CARMIL3: variants seen among roughly 807,000 people sequenced by gnomAD.
CARMIL3 encodes the protein capping protein regulator and myosin 1 linker 3.
In CARMIL3, 88 loss-of-function variants were observed where a neutral mutation model predicts 180.8. That is an observed-to-expected ratio of 0.49 (90% CI 0.41 to 0.58). The LOEUF (loss-of-function observed/expected upper bound fraction) is 0.58. CARMIL3 is among the 20% of genes least tolerant of loss of function. The pLI is 0.00. For synonymous variants in CARMIL3, 696 were observed against 714.5 expected (o/e 0.97, Z 0.41); for missense variants, 1,548 against 1,787.0 (o/e 0.87, Z 2.41).
intron 37 of CARMIL3, 36 bp from the exon 38 acceptor site, chr14:24,068,750 G>T (rs1873703097): frequency 1.2e-6 from 2 of 1,613,744 alleles, no homozygotes; most frequent in Admixed American, 3.3e-5. Flanking sequence ...TGAGGCAAAG[G>T]GACTAACTGA....
At chr14:24,052,617 T>G (rs909595002) in intron 1 of CARMIL3, among the ~76,000 whole-genome samples, 3 of 151,804 alleles carry the variant, frequency 2.0e-5, no homozygotes, top group African/African-American at 7.3e-5. Context: ...ACACCCTCCC[T>G]CCTCCCGGCC....
chr14:24,057,996 C>T lies in CARMIL3; in HGVS notation c.1254C>T (p.Phe418=). 2 of 1,613,776 alleles carry T rather than the reference C, an allele frequency of 1.2e-6. No individual in the cohort carries two copies. The highest frequency in any genetic ancestry group is 1.7e-6 in the Non-Finnish European group (2 of 1,180,018). The change falls in exon 16 of 40, where the codon TTC becomes TTT. Residue 418 remains phenylalanine, a synonymous_variant. Coordinates refer to ENST00000342740, the MANE Select transcript of CARMIL3 (RefSeq NM_138360.4). ...AGGCCCCGCCGGCCTTCAAGCAGTT[C>T]TTCAGCAGCGCCTACACACTGAGCC... ...GREAPPAFKQ[F]FSSAYTLSHV...
At position 24,055,764 on chromosome 14, in the gene CARMIL3, G is replaced by C; in HGVS notation, c.745G>C (p.Val249Leu). 6.2e-7 allele frequency: 1 copy of C among 1,614,100 alleles called. No homozygotes were observed. The highest frequency in any genetic ancestry group is 8.5e-7 in the Non-Finnish European group (1 of 1,179,998). ...CAAGTCGGGGAGCCTCGAAGAGCTG[G>C]TGCTGGACAACGCCGGGCTTAAGAC... Reference protein sequence around the residue: ...LSKSGSLEELVLDNAGLKTDF... With the variant: ...LSKSGSLEELLLDNAGLKTDF... The change falls in exon 10 of 40, where the codon GTG (valine) becomes CTG (leucine). Residue 249 changes from valine to leucine, a missense_variant. Around this residue, in one of 4 missense-constraint regions of CARMIL3, gnomAD observed 578 missense variants for 666.5 expected, o/e 0.87. Transcript: ENST00000342740.
At position 24,054,757 on chromosome 14, in the gene CARMIL3, G is replaced by C; in HGVS notation, c.409G>C (p.Asp137His). Residue 137 changes from aspartate to histidine, a missense_variant, in exon 6 of 40, where the codon GAT becomes CAT. Around this residue, in one of 4 missense-constraint regions of CARMIL3, gnomAD observed 578 missense variants for 666.5 expected, o/e 0.87. Coordinates refer to ENST00000342740, the MANE Select transcript of CARMIL3 (RefSeq NM_138360.4). This position sits in a 1 kb window ranked among gnomAD's most constrained non-coding sequence, Gnocchi z 5.1. ...CGCAGACACCCCAGAGGGGCCCCGA[G>C]ATACATCCCCCAACTCTGAGACTTC... ...GNADTPEGPR[D>H]TSPNSETSTS... The C allele has an allele frequency of 1.2e-6, 2 of 1,614,136 alleles. No homozygotes were observed. Among genetic ancestry groups the C allele is most frequent in the Non-Finnish European group, 1.7e-6 (2 of 1,180,018 alleles).
At chr14:24,055,486 C>T in intron 8 of CARMIL3, 57 bp from the exon 9 acceptor site, 2 of 1,596,392 alleles carry the variant, frequency 1.3e-6, no homozygotes, top group Non-Finnish European at 8.6e-7. Flanking sequence ...TTGGTCTCTT[C>T]TTTTCTGACC....
At position 24,055,179 on chromosome 14, in the gene CARMIL3, A is replaced by G. The variant is rs143284374; in HGVS notation, c.531+43A>G. The G allele has an allele frequency of 3.7e-6, 6 of 1,613,890 alleles. No homozygotes were observed. In the East Asian group the frequency reaches 1.3e-4, roughly 36 times the overall value. On this transcript the variant is annotated intron_variant, in intron 7 of 39. Coordinates refer to ENST00000342740, the MANE Select transcript of CARMIL3 (RefSeq NM_138360.4). ...CCCATAGGGAACAGGTGGGACCTGG[A>G]GGGAAGGGGCTAAGAAGGAAGTGGG...
chr14:24,057,145 C>T, intron 13 of CARMIL3, 22 bp from the exon 14 acceptor site: 1 of 1,612,146 alleles, frequency 6.2e-7, no homozygotes, highest in Non-Finnish European at 8.5e-7. Context: ...TCCCCTGCAA[C>T]CCCTCTTCCT....
At chr14:24,053,296 C>T (rs2035637582) in intron 1 of CARMIL3, among the ~76,000 whole-genome samples, 2 of 152,122 alleles carry the variant, frequency 1.3e-5, no homozygotes, top group Non-Finnish European at 2.9e-5. Flanking sequence ...CACTCACACC[C>T]GGACCACCTA....
intron 24 of CARMIL3, 99 bp from the exon 25 acceptor site, chr14:24,060,529 C>A: frequency 6.6e-7 from 1 of 1,518,254 alleles, no homozygotes; most frequent in Non-Finnish European, 8.9e-7. Context: ...ATCACCTCCA[C>A]CACTGTCGGT....
In CARMIL3 at chr14:24,061,870, T is replaced by A. The variant is rs1451743623; in HGVS notation, c.2480+198T>A. 3.1e-6 allele frequency: 2 copies of A among 637,010 alleles called. No homozygotes were observed. Among genetic ancestry groups the A allele is most frequent in the African/African-American group, 1.8e-5 (1 of 54,358 alleles). The allele number at this position is 637,010 out of a possible 1,614,324, so 39.5% of individuals were successfully genotyped here. A position where few individuals can be genotyped will look rare whatever the true frequency, so the allele number is the denominator to read the frequency against. On this transcript the variant is annotated intron_variant, in intron 27 of 39. Transcript: ENST00000342740. This position sits in a 1 kb window ranked among gnomAD's most constrained non-coding sequence, Gnocchi z 4.1. The stretch of plus-strand genomic sequence containing the variant: ...AGAAATCTAAGTGCTGAGCTGGGGT[T>A]TAGGAGCCAAGTTTGTGCCCACACA...
chr14:24,055,714 T>C lies in CARMIL3; in HGVS notation c.695T>C (p.Leu232Pro). 6.2e-7 allele frequency: 1 copy of C among 1,614,058 alleles called. No homozygotes were observed. The highest frequency in any genetic ancestry group is 8.5e-7 in the Non-Finnish European group (1 of 1,179,986). Residue 232 changes from leucine (L) to proline (P), a missense_variant, in exon 10 of 40, where the codon CTA (leucine) becomes CCA (proline). By Grantham distance (98) the Leu-to-Pro change is moderately conservative (BLOSUM62 -3). Around this residue, in one of 4 missense-constraint regions of CARMIL3, gnomAD observed 578 missense variants for 666.5 expected, o/e 0.87. Coordinates refer to ENST00000342740, the MANE Select transcript of CARMIL3 (RefSeq NM_138360.4). ...CTCTGTCCTCAGGGCTCTGAAGTGC[T>C]AGAACAGGTGCTACATACCCTAAGC... The part of the protein sequence containing the change: ...CKDLRLGSEV[L>P]EQVLHTLSKS...
rs778576080 is a variant in CARMIL3 at position 24,055,523 on chromosome 14, C to T, written c.606-20C>T. ...AACCACCTGCTCACCACTTTCCTGC[C>T]CCCTTCCATATCCCCACAGAGACTT... On this transcript the variant is annotated intron_variant, in intron 8 of 39. Coordinates refer to ENST00000342740, the MANE Select transcript of CARMIL3 (RefSeq NM_138360.4). 1 of 1,613,758 alleles carries T rather than the reference C, an allele frequency of 6.2e-7. No individual in the cohort carries two copies. The highest frequency in any genetic ancestry group is 1.7e-5 in the Admixed American group (1 of 60,006).
chr14:24,065,206 CAG>C lies in CARMIL3; in HGVS notation c.3332_3333del (p.Glu1111GlyfsTer24). The C allele has an allele frequency of 6.4e-7, 1 of 1,556,400 alleles. No individual in the cohort carries two copies. The highest frequency in any genetic ancestry group is 8.6e-7 in the Non-Finnish European group (1 of 1,157,032). On this transcript the variant is annotated frameshift_variant, in exon 33 of 40. Coordinates refer to ENST00000342740, the MANE Select transcript of CARMIL3 (RefSeq NM_138360.4). LOFTEE classifies it high-confidence loss of function. ...AATAACTCCTCTCCCTGCTGGAGCC[CAG>C]AGGAGGAGAGCAGCCTCCTCCCTGG...
At position 24,068,662 on chromosome 14, in the gene CARMIL3, C is replaced by T. The variant is rs952297814; in HGVS notation, c.3761C>T (p.Thr1254Ile). ...SQDGEEEKEGTLFPERTLPAR... is the reference protein window; with the variant it reads ...SQDGEEEKEGILFPERTLPAR... The stretch of plus-strand genomic sequence containing the variant: ...GATGGGGAAGAGGAGAAGGAGGGGA[C>T]CCTCTTCCCAGAGAGGACACTTCCA... Residue 1254 changes from threonine to isoleucine, a missense_variant, in exon 37 of 40, where the codon ACC becomes ATC. Thr to Ile is a moderately conservative substitution (Grantham distance 89). This residue lies in a region of CARMIL3 where 668 missense variants were observed against 687.8 expected (regional missense o/e 0.97). Transcript: ENST00000342740. 24 of 1,613,792 alleles carry T rather than the reference C, an allele frequency of 1.5e-5. No individual in the cohort carries two copies. The highest frequency in any genetic ancestry group is 2.0e-5 in the Non-Finnish European group (24 of 1,179,922).
Position 24,053,821 on chromosome 14 carries a change from G to T in CARMIL3, c.135+18G>T, listed in dbSNP as rs775128053. 25 of 1,600,592 alleles carry T rather than the reference G, an allele frequency of 1.6e-5. No individual in the cohort carries two copies. The South Asian group carries it at 2.7e-4, about 17-fold the overall frequency. On this transcript the variant is annotated intron_variant, in intron 2 of 39. Coordinates refer to ENST00000342740, the MANE Select transcript of CARMIL3 (RefSeq NM_138360.4). ...GAGTGCTGGTGAGGGCACTGGGCAT[G>T]TGGGGAGGGAGGAGGTGGCTGGCAA...
chr14:24,067,972 C>T (rs956260732), intron 36 of CARMIL3, among the ~76,000 whole-genome samples: 1 of 152,250 alleles, frequency 6.6e-6, no homozygotes, highest in East Asian at 1.9e-4. Context: ...CCCAGCAGGC[C>T]CTGGGCCCTG....
At chr14:24,057,063 A>C (rs2035679254) in intron 13 of CARMIL3, 39 bp downstream of exon 13, 1 of 1,603,740 alleles carries the variant, frequency 6.2e-7, no homozygotes, top group Non-Finnish European at 8.5e-7. Context: ...TGCAGAAAGC[A>C]TGCTTAAGCT....
Position 24,069,491 on chromosome 14 carries a change from G to A in CARMIL3, c.*87G>A. 6.4e-7 allele frequency: 1 copy of A among 1,560,292 alleles called. No homozygotes were observed. On this transcript the variant is annotated 3_prime_UTR_variant, in exon 40 of 40. Transcript: ENST00000342740. ...CCACCCCCAGTCCCCAGGGCCCCCT[G>A]CCAGCCCCTGTCCTACAGGGGCAAG...
At chr14:24,068,548 C>A (rs767792078) in intron 36 of CARMIL3, 36 bp from the exon 37 acceptor site, 1 of 1,547,970 alleles carries the variant, frequency 6.5e-7, no homozygotes, top group South Asian at 1.2e-5. Flanking sequence ...TGCAAGAATG[C>A]CTTTTCCTGC....
Sources: allele counts gnomAD v4.1 joint callset (sites outside exome capture counted in the v4.1 genomes callset), GRCh38; gene constraint gnomAD v4.1.1; regional missense constraint gnomAD v4.1.1; non-coding constraint Gnocchi (gnomAD v3.1); transcripts MANE v1.5; gene names NCBI Gene and HGNC (gene_info 2026-07-23, HGNC 2026-07-21).